The following PDILT variants were observed in gnomAD, a reference collection of about 807,000 sequenced individuals.
PDILT encodes the protein protein disulfide isomerase like, testis expressed, also known as protein disulfide-isomerase-like protein of the testis.
In PDILT, 43 loss-of-function variants were observed where a neutral mutation model predicts 53.7. The ratio of observed to expected loss-of-function variants is 0.80; its 90% confidence interval spans 0.63 to 1.03. PDILT has a LOEUF of 1.03. Ranked by LOEUF, PDILT falls within the 50% of genes least tolerant of loss-of-function variation. PDILT has a pLI of 0.00. For missense variants in PDILT, 727 were observed against 712.3 expected, an observed-to-expected ratio of 1.02 and a Z score of -0.24; for synonymous variants, 282 against 274.2, an observed-to-expected ratio of 1.03 and a Z score of -0.28.
Position 20,384,526 on chromosome 16 carries a change from G to A in PDILT, c.409+119C>T, listed in dbSNP as rs979833386. 1.2e-5 allele frequency: 15 copies of A among 1,226,824 alleles called. No individual in the cohort carries two copies. The African/African-American group carries it at 2.3e-4, about 18-fold the overall frequency. The allele number at this position is 1,226,824 out of a possible 1,614,324, so 76.0% of individuals were successfully genotyped here. On this transcript the variant is annotated intron_variant, in intron 3 of 11. Coordinates refer to ENST00000302451, the MANE Select transcript of PDILT (RefSeq NM_174924.2). ...GCCCTAGAGAAGGGCAGAGTCACAA[G>A]CTGGAGGATCCTGGGTCCCCGAGAA...
chr16:20,372,786 G>C lies in PDILT; in HGVS notation c.918+16C>G, dbSNP rs368633374. 3 of 1,612,840 alleles carry C rather than the reference G, an allele frequency of 1.9e-6. No homozygotes were observed. Among genetic ancestry groups the C allele is most frequent in the Non-Finnish European group, 2.5e-6 (3 of 1,179,130 alleles). ...TCATCCAGGAGTCCCAGAGAGCAAT[G>C]GTGCACTCTACAAACCTTGTTTTGG... is the stretch of plus-strand genomic sequence containing the variant. On this transcript the variant is annotated intron_variant, in intron 7 of 11. Coordinates refer to ENST00000302451, the MANE Select transcript of PDILT (RefSeq NM_174924.2).
In PDILT at chr16:20,376,124, C is replaced by G; in HGVS notation, c.487G>C (p.Glu163Gln). 6.2e-7 allele frequency: 1 copy of G among 1,614,180 alleles called. No individual in the cohort carries two copies. Among genetic ancestry groups the G allele is most frequent in the Non-Finnish European group, 8.5e-7 (1 of 1,180,038 alleles). ...GATATCACAAACTCTGCCACCTGCTCGCTGCTGTTGAACAAAAATGCTTTC... is the reference window on the plus strand; with the variant it reads ...GATATCACAAACTCTGCCACCTGCTGGCTGCTGTTGAACAAAAATGCTTTC... ...SQKAFLFNSSEQVAEFVISRP... is the reference protein window; with the variant it reads ...SQKAFLFNSSQQVAEFVISRP... The change falls in exon 4 of 12, where the codon GAG becomes CAG. Residue 163 changes from glutamate to glutamine, a missense_variant. Glu to Gln is a conservative substitution (Grantham distance 29). Coordinates refer to ENST00000302451, the MANE Select transcript of PDILT (RefSeq NM_174924.2).
intron 3 of PDILT, among the ~76,000 whole-genome samples, chr16:20,381,654 A>AAG (rs1966463695): frequency 6.6e-6 from 1 of 151,420 alleles, no homozygotes. Context: ...AAAAAAAAAA[A>AAG]AGAGAAATTG....
intron 9 of PDILT, among the ~76,000 whole-genome samples, chr16:20,363,031 C>T (rs1490721941): frequency 3.0e-5 from 4 of 134,490 alleles, no homozygotes; most frequent in African/African-American, 5.8e-5. Flanking sequence ...GAGATTGCGC[C>T]ACTGCACTCG....
intron 2 of PDILT, among the ~76,000 whole-genome samples, chr16:20,395,363 T>C (rs949234350): frequency 3.3e-5 from 5 of 152,196 alleles, no homozygotes; most frequent in Non-Finnish European, 7.4e-5. Flanking sequence ...CATAGGTGGC[T>C]GACGTATTTT....
chr16:20,367,020 CTTTCTTCTTTCTTTCT>C, intron 8 of PDILT, among the ~76,000 whole-genome samples: 1 of 140,424 alleles, frequency 7.1e-6, no homozygotes, highest in South Asian at 2.4e-4. Context: ...TTCTCTCTCT[CTTTCTTCTTTCTTTCT>C]TTCTTTCTTT....
At chr16:20,370,919 G>A (rs1282689433) in intron 7 of PDILT, among the ~76,000 whole-genome samples, 2 of 152,224 alleles carry the variant, frequency 1.3e-5, no homozygotes, top group East Asian at 1.9e-4. Flanking sequence ...AAAAGGGGAA[G>A]CATGAATAAT....
chr16:20,373,879 G>T (rs1391130551), intron 5 of PDILT, among the ~76,000 whole-genome samples: 1 of 152,158 alleles, frequency 6.6e-6, no homozygotes. Flanking sequence ...TTCATGAATT[G>T]TTCTTTGCTC....
At chr16:20,359,653 G>T (rs967224053) in intron 11 of PDILT, 86 bp from the exon 12 acceptor site, 4 of 1,354,000 alleles carry the variant, frequency 3.0e-6, no homozygotes, top group Admixed American at 1.9e-5. Context: ...TCATCATTGT[G>T]GTTGTAATAG....
At chr16:20,387,464 T>C (rs1191842830) in intron 2 of PDILT, among the ~76,000 whole-genome samples, 4 of 152,078 alleles carry the variant, frequency 2.6e-5, no homozygotes, top group East Asian at 1.9e-4. Context: ...AAGAAGTCCA[T>C]TGGGTCTGGA....
chr16:20,402,279 G>C (rs546037203), intron 1 of PDILT, among the ~76,000 whole-genome samples: 21 of 115,608 alleles, frequency 1.8e-4, no homozygotes, highest in African/African-American at 6.1e-4. Flanking sequence ...TGGAGTCAGG[G>C]AGGAGTGTTG....
At position 20,399,346 on chromosome 16, in the gene PDILT, C is replaced by T. The variant is rs1014221034; in HGVS notation, c.-7-39G>A. The T allele has an allele frequency of 8.1e-6, 13 of 1,601,760 alleles. No individual in the cohort carries two copies. The African/African-American group carries it at 9.4e-5, about 12-fold the overall frequency. ...AGAAGGAACAGAGACCTTATCAACA[C>T]AGGTGGTGGAGCCCCACGTCATCAC... On this transcript the variant is annotated intron_variant, in intron 1 of 11. Coordinates refer to ENST00000302451, the MANE Select transcript of PDILT (RefSeq NM_174924.2).
intron 3 of PDILT, among the ~76,000 whole-genome samples, chr16:20,379,313 A>C (rs947256553): frequency 2.0e-5 from 3 of 152,132 alleles, no homozygotes; most frequent in Admixed American, 6.5e-5. Context: ...AGCTGGGACT[A>C]CAGGCACGTG....
chr16:20,399,324 AGGAAC>A lies in PDILT; in HGVS notation c.-7-22_-7-18del. ...ATGGCTGTCCTGCAGGGGCCGGAGA[AGGAAC>A]AGAGACCTTATCAACACAGGTGGTG... On this transcript the variant is annotated intron_variant, in intron 1 of 11. Coordinates refer to ENST00000302451, the MANE Select transcript of PDILT (RefSeq NM_174924.2). 6.2e-7 allele frequency: 1 copy of A among 1,612,220 alleles called. No homozygotes were observed. The highest frequency in any genetic ancestry group is 8.5e-7 in the Non-Finnish European group (1 of 1,179,566).
chr16:20,398,711 T>A lies in PDILT; in HGVS notation c.202+388A>T, dbSNP rs370205993. On this transcript the variant is annotated intron_variant, in intron 2 of 11. Transcript: ENST00000302451. ...GCCATCATTTATTTCTCTCTAGATG[T>A]GTTCCAGGAACTTATCACATCTCAT... Among the ~76,000 whole-genome samples the A allele has an allele frequency of 1.1e-4, 17 of 152,304 alleles. No homozygotes were observed. In the South Asian group the frequency reaches 2.9e-3, roughly 26 times the overall value.
At chr16:20,402,203 T>A (rs1473524368) in intron 1 of PDILT, among the ~76,000 whole-genome samples, 2 of 152,314 alleles carry the variant, frequency 1.3e-5, no homozygotes, top group African/African-American at 2.4e-5. Context: ...ATAGATGCAA[T>A]CAATGGTGTG....
chr16:20,376,373 A>C (rs1478975421), intron 3 of PDILT, among the ~76,000 whole-genome samples, 172 bp from the exon 4 acceptor site: 1 of 152,210 alleles, frequency 6.6e-6, no homozygotes, highest in African/African-American at 2.4e-5. Context: ...AAGCACGAAC[A>C]TTAACAACAG....
chr16:20,362,167 T>C (rs995142064), intron 10 of PDILT, among the ~76,000 whole-genome samples: 8 of 152,212 alleles, frequency 5.3e-5, no homozygotes, highest in Non-Finnish European at 1.0e-4. Flanking sequence ...CACATCCACT[T>C]GGCCACAGTG....
chr16:20,383,500 G>A (rs1175480449), intron 3 of PDILT, among the ~76,000 whole-genome samples: 1 of 150,294 alleles, frequency 6.7e-6, no homozygotes, highest in African/African-American at 2.5e-5. Context: ...AAGCCTGCTG[G>A]GAGCTGCAGC....
Sources: gnomAD v4.1 joint callset for allele counts (sites outside exome capture counted in the v4.1 genomes callset) on GRCh38, gnomAD v4.1.1 for gene constraint, MANE v1.5 for transcripts, NCBI Gene and HGNC (gene_info 2026-07-23, HGNC 2026-07-21) for gene names.